LOC128092253: variants seen among roughly 807,000 people sequenced by gnomAD.
the LOC128092253 span, among the ~76,000 whole-genome samples, chr6:133,970,012 T>G: frequency 9.2e-5 from 14 of 152,350 alleles, no homozygotes; most frequent in African/African-American, 3.4e-4. Context: ...AATAGAAGAC[T>G]TGTTTTGTGC....
the LOC128092253 span, among the ~76,000 whole-genome samples, chr6:133,973,742 A>G: frequency 6.6e-6 from 1 of 152,216 alleles, no homozygotes; most frequent in Non-Finnish European, 1.5e-5. Context: ...ATAGAAAGCT[A>G]GAAATATGCC....
At chr6:133,965,337 A>G in the LOC128092253 span, among the ~76,000 whole-genome samples, 1 of 152,234 alleles carries the variant, frequency 6.6e-6, no homozygotes, top group Admixed American at 6.5e-5. Context: ...CAAATACCTT[A>G]CAATTTAAAT....
At chr6:133,964,480 T>C in the LOC128092253 span, among the ~76,000 whole-genome samples, 2 of 150,552 alleles carry the variant, frequency 1.3e-5, no homozygotes, top group African/African-American at 4.9e-5. Context: ...AGATGGAGTC[T>C]CACTCTGTCT....
At chr6:133,961,465 CTTTTTTTTTTTTT>C in the LOC128092253 span, among the ~76,000 whole-genome samples, 2 of 100,210 alleles carry the variant, frequency 2.0e-5, no homozygotes, top group Non-Finnish European at 4.0e-5. Flanking sequence ...TTCTTTCTTT[CTTTTTTTTTTTTT>C]TTTTTTTTGA....
the LOC128092253 span, among the ~76,000 whole-genome samples, chr6:133,975,840 A>G: frequency 1.3e-5 from 2 of 152,190 alleles, no homozygotes; most frequent in Non-Finnish European, 2.9e-5. Context: ...CATCAGTTGT[A>G]TTGTAATGTT....
the LOC128092253 span, among the ~76,000 whole-genome samples, chr6:133,973,897 A>C: frequency 6.6e-6 from 1 of 152,006 alleles, no homozygotes; most frequent in Admixed American, 6.6e-5. Context: ...GTGGGCAAAT[A>C]ATTGGTATTT....
At chr6:133,971,143 A>C in the LOC128092253 span, among the ~76,000 whole-genome samples, 3 of 150,636 alleles carry the variant, frequency 2.0e-5, no homozygotes, top group African/African-American at 7.3e-5. Context: ...TTCGATGATA[A>C]CACTTTTTTT....
At chr6:133,955,714 G>A in the LOC128092253 span, among the ~76,000 whole-genome samples, 12 of 152,076 alleles carry the variant, frequency 7.9e-5, no homozygotes, top group Non-Finnish European at 1.5e-4. Context: ...AATTGTAGAC[G>A]GTCACTTTTT....
At chr6:133,960,375 CTG>C in the LOC128092253 span, among the ~76,000 whole-genome samples, 1 of 149,804 alleles carries the variant, frequency 6.7e-6, no homozygotes, top group South Asian at 2.1e-4. Context: ...TAATGGAAAT[CTG>C]TAGGTCTCAG....
the LOC128092253 span, among the ~76,000 whole-genome samples, chr6:133,963,606 G>A: frequency 6.6e-6 from 1 of 151,928 alleles, no homozygotes; most frequent in Non-Finnish European, 1.5e-5. Context: ...TTTTTTTGTC[G>A]AGACAGAGTC....
the LOC128092253 span, among the ~76,000 whole-genome samples, chr6:133,964,006 A>T: frequency 2.0e-5 from 3 of 152,064 alleles, no homozygotes; most frequent in Admixed American, 6.5e-5. Context: ...GTGACACTGC[A>T]CTCCAGCCTG....
the LOC128092253 span, among the ~76,000 whole-genome samples, chr6:133,959,288 T>A: frequency 6.6e-6 from 1 of 152,050 alleles, no homozygotes; most frequent in Non-Finnish European, 1.5e-5. Flanking sequence ...GATCTGCCTG[T>A]CTCAGCCTCC....
the LOC128092253 span, among the ~76,000 whole-genome samples, chr6:133,969,399 A>T: frequency 6.6e-6 from 1 of 152,106 alleles, no homozygotes; most frequent in Non-Finnish European, 1.5e-5. Flanking sequence ...ATTCACATGA[A>T]TGCTACCTGC....
chr6:133,980,082 G>GA, the LOC128092253 span: 6 of 1,434,140 alleles, frequency 4.2e-6, no homozygotes, highest in Non-Finnish European at 5.5e-6. Context: ...TATTTCTCAG[G>GA]ATGTGATCTT....
the LOC128092253 span, among the ~76,000 whole-genome samples, chr6:133,967,093 C>T: frequency 6.6e-6 from 1 of 152,224 alleles, no homozygotes; most frequent in Admixed American, 6.5e-5. Flanking sequence ...CTCACCGTAG[C>T]CATGCTGATT....
At chr6:133,957,062 A>T in the LOC128092253 span, among the ~76,000 whole-genome samples, 1 of 152,256 alleles carries the variant, frequency 6.6e-6, no homozygotes. Context: ...ATCAGGTCAC[A>T]TCAGAAATTC....
At chr6:133,954,462 C>T in the LOC128092253 span, among the ~76,000 whole-genome samples, 1 of 152,236 alleles carries the variant, frequency 6.6e-6, no homozygotes, top group South Asian at 2.1e-4. Flanking sequence ...ACTGTTAGCA[C>T]TATCTGGTTG....
At chr6:133,974,479 G>A in the LOC128092253 span, among the ~76,000 whole-genome samples, 3 of 152,094 alleles carry the variant, frequency 2.0e-5, no homozygotes, top group Non-Finnish European at 2.9e-5. Flanking sequence ...GATTACAGGC[G>A]TGCACCACCA....
chr6:133,970,276 G>T, the LOC128092253 span, among the ~76,000 whole-genome samples: 3 of 151,956 alleles, frequency 2.0e-5, no homozygotes, highest in Non-Finnish European at 4.4e-5. Context: ...TCACACCATC[G>T]TACTTTGCTT....
Sources: allele counts gnomAD v4.1 joint callset (sites outside exome capture counted in the v4.1 genomes callset), GRCh38; gene constraint gnomAD v4.1.1; transcripts MANE v1.5.